The following KIF7 variants were observed in gnomAD, a reference collection of about 807,000 sequenced individuals.
The protein encoded by KIF7 is kinesin-like protein KIF7.
KIF7 carries 104 observed loss-of-function variants against 135.7 expected under a neutral mutation model. The ratio of observed to expected loss-of-function variants is 0.77; its 90% CI spans 0.65 to 0.90. KIF7 has a LOEUF of 0.90. Ranked by LOEUF, KIF7 falls within the 40% of genes least tolerant of loss-of-function variation. The pLI is 0.00. For synonymous variants in KIF7, 883 were observed against 809.4 expected (o/e 1.09, Z -1.54); for missense variants, 2,005 against 1,839.1 (o/e 1.09, Z -1.65).
In KIF7 at chr15:89,631,593, C is replaced by G; in HGVS notation, c.3013G>C (p.Gly1005Arg). Residue 1005 changes from glycine to arginine, a missense_variant, in exon 15 of 19, where the codon GGG becomes CGG. By Grantham distance (125) the Gly-to-Arg change is moderately radical. Coordinates refer to ENST00000394412, the MANE Select transcript of KIF7 (RefSeq NM_198525.3). ...GSAQSQQQIRGEIDSLRQEKD... is the reference protein window; with the variant it reads ...GSAQSQQQIRREIDSLRQEKD... ...TCCTGGCGCAGGCTGTCGATCTCCC[C>G]GCGGATCTGCTGCTGGCTCTGGGCG... 6.4e-7 allele frequency: 1 copy of G among 1,562,678 alleles called. No homozygotes were observed. The highest frequency in any genetic ancestry group is 8.7e-7 in the Non-Finnish European group (1 of 1,152,682).
intron 1 of KIF7, chr15:89,618,323 C>T: frequency 2.1e-6 from 2 of 937,368 alleles, no homozygotes; most frequent in Admixed American, 1.7e-5. Context: ...ATTGTGATGG[C>T]TCTGAGTCCA....
In KIF7 at chr15:89,648,787, G is replaced by A; in HGVS notation, c.924-13C>T. On this transcript the variant is annotated splice_polypyrimidine_tract_variant and intron_variant, in intron 4 of 18. Transcript: ENST00000394412. Reference sequence around the variant, plus strand: ...GTCTTTGAGGATCCTGAGGGCGCGAGGGGGAGGCTCTCAGGGGCCCCGACG... The same window carrying A: ...GTCTTTGAGGATCCTGAGGGCGCGAAGGGGAGGCTCTCAGGGGCCCCGACG... 6.5e-7 allele frequency: 1 copy of A among 1,528,518 alleles called. No individual in the cohort carries two copies. Among genetic ancestry groups the A allele is most frequent in the Non-Finnish European group, 8.8e-7 (1 of 1,140,766 alleles). 94.7% of individuals were successfully genotyped at this position (1,528,518 alleles called of 1,614,324 possible).
chr15:89,617,930 G>C (rs1963361910), intron 2 of KIF7: 1 of 534,210 alleles, frequency 1.9e-6, no homozygotes, highest in African/African-American at 1.9e-5. Flanking sequence ...GACCTCAAGT[G>C]ATCCGCCCGC....
chr15:89,624,026 A>T, downstream of KIF7: 2 of 1,613,898 alleles, frequency 1.2e-6, no homozygotes, highest in Non-Finnish European at 1.7e-6. Flanking sequence ...CCCAGGAGAG[A>T]GTGTCTCACT....
chr15:89,628,224 T>G lies in KIF7; in HGVS notation c.*195A>C. The G allele has an allele frequency of 1.7e-6, 1 of 590,842 alleles. No homozygotes were observed. The highest frequency in any genetic ancestry group is 2.9e-6 in the Non-Finnish European group (1 of 346,826). The allele number at this position is 590,842 out of a possible 1,614,324, so 36.6% of individuals were successfully genotyped here. On this transcript the variant is annotated 3_prime_UTR_variant, in exon 19 of 19. Transcript: ENST00000394412. ...CTTCATGGAAGTAAGTGGTGGGAATTTGCATATTATTTTGTTAAATGAGGG... is the reference window on the plus strand; with the variant it reads ...CTTCATGGAAGTAAGTGGTGGGAATGTGCATATTATTTTGTTAAATGAGGG...
Position 89,646,000 on chromosome 15 carries a change from T to G in KIF7, c.1815A>C (p.Gly605=). Residue 605 remains glycine, a synonymous_variant, in exon 8 of 19, where the codon GGA becomes GGC. Transcript: ENST00000394412. The stretch of plus-strand genomic sequence containing the variant: ...TGTTCACCTCAGTCAGCAACTCAGC[T>G]CCAGCCTCCCTGCCATTTGTCACCT... The part of the protein sequence containing the change: ...GEQVTNGREA[G]AELLTEVNRL... The G allele has an allele frequency of 6.2e-7, 1 of 1,613,948 alleles. No homozygotes were observed. Among genetic ancestry groups the G allele is most frequent in the Non-Finnish European group, 8.5e-7 (1 of 1,179,980 alleles).
In KIF7 at chr15:89,633,207, G is replaced by A. The variant is rs750064265; in HGVS notation, c.2652C>T (p.Ile884=). ...TGCGCCTCTTCCTCTGGAATGCCGC[G>A]ATCTCTTCCGTCTTAATCTTCAGGA... ...QKILKIKTEE[I]AAFQRKRRSG... Residue 884 remains isoleucine (I), a synonymous_variant, in exon 13 of 19, where the codon ATC becomes ATT. Coordinates refer to ENST00000394412, the MANE Select transcript of KIF7 (RefSeq NM_198525.3). 44 of 1,599,266 alleles carry A rather than the reference G, an allele frequency of 2.8e-5. No individual in the cohort carries two copies. The highest frequency in any genetic ancestry group is 1.7e-4 in the Middle Eastern group (1 of 5,832).
downstream of KIF7, chr15:89,625,663 C>T (rs150927834): frequency 2.2e-5 from 35 of 1,613,468 alleles, no homozygotes; most frequent in East Asian, 4.5e-5. Flanking sequence ...AGAAGCTGAC[C>T]GTGGAGCCAA....
rs76255423 is a variant in KIF7 at position 89,653,134 on chromosome 15, T to C, written c.-24-180A>G. 0.02 allele frequency among the ~76,000 whole-genome samples: 3,109 copies of C among 152,292 alleles called. 116 individuals carry two copies. The highest frequency in any genetic ancestry group is 0.071 in the African/African-American group (2,940 of 41,550). On this transcript the variant is annotated intron_variant, in intron 1 of 18. Coordinates refer to ENST00000394412, the MANE Select transcript of KIF7 (RefSeq NM_198525.3). ...TGCTCAAAAATTGCAAGGGCCATGA[T>C]ATATATAGTCCCCCACAGGAACATG...
intron 11 of KIF7, among the ~76,000 whole-genome samples, chr15:89,635,474 G>C (rs1431576933): frequency 6.6e-6 from 1 of 152,212 alleles, no homozygotes; most frequent in Non-Finnish European, 1.5e-5. Context: ...ATACAGAGGA[G>C]TGCTTAAAGG....
chr15:89,658,308 G>T (rs2141513464), upstream of KIF7, among the ~76,000 whole-genome samples: 1 of 151,590 alleles, frequency 6.6e-6, no homozygotes, highest in East Asian at 2.0e-4. Flanking sequence ...AAATTAGCTG[G>T]GCCTGGTGGT....
intron 1 of KIF7, among the ~76,000 whole-genome samples, chr15:89,619,326 A>G (rs910115345): frequency 2.0e-5 from 3 of 146,940 alleles, no homozygotes; most frequent in Non-Finnish European, 3.0e-5. Context: ...CCCAGGTTCA[A>G]GCGATTCTCC....
At chr15:89,630,089 G>A (rs80185307) in intron 16 of KIF7, 198 bp downstream of exon 16, 194 of 622,092 alleles carry the variant, frequency 3.1e-4, no homozygotes, top group African/African-American at 2.4e-3. Context: ...GAGCAGAAGT[G>A]GGGGGCGGGT....
In KIF7 at chr15:89,649,138, CAGGT is replaced by C. The variant is rs1567067836; in HGVS notation, c.755_758del (p.Asp252GlyfsTer69). The C allele has an allele frequency of 1.9e-6, 3 of 1,548,002 alleles. No homozygotes were observed. The highest frequency in any genetic ancestry group is 2.6e-6 in the Non-Finnish European group (3 of 1,146,776). ...TCTTGAGCACCCTCTCTGAGCCCGC[CAGGT>C]CCACGAAGTGGAACTTGGAGACGAG... On this transcript the variant is annotated frameshift_variant, in exon 4 of 19. Transcript: ENST00000394412. LOFTEE classifies it high-confidence loss of function.
At chr15:89,641,800 CAAAG>C (rs1045524998) in intron 11 of KIF7, among the ~76,000 whole-genome samples, 2 of 152,044 alleles carry the variant, frequency 1.3e-5, no homozygotes, top group African/African-American at 4.8e-5. Flanking sequence ...GACTCTGTCT[CAAAG>C]AAAGACTAAA....
chr15:89,648,943 C>A, intron 4 of KIF7, 31 bp downstream of exon 4: 1 of 1,508,442 alleles, frequency 6.6e-7, no homozygotes, highest in Admixed American at 2.1e-5. Context: ...CCCCGGCCCC[C>A]AGGCCACATA....
chr15:89,646,748 G>C, intron 7 of KIF7, 82 bp downstream of exon 7: 1 of 1,225,334 alleles, frequency 8.2e-7, no homozygotes, highest in African/African-American at 1.5e-5. Context: ...TGGGGGACAC[G>C]TGCCCCAGTG....
At chr15:89,627,172 CTT>C, downstream of KIF7, 1 of 1,541,438 alleles carries the variant, frequency 6.5e-7, no homozygotes, top group Non-Finnish European at 8.9e-7. Context: ...TCCCAAGCCT[CTT>C]TTGCCATGGT....
At chr15:89,653,655 G>C (rs527856880) in intron 1 of KIF7, among the ~76,000 whole-genome samples, 1 of 152,306 alleles carries the variant, frequency 6.6e-6, no homozygotes, top group South Asian at 2.1e-4. Flanking sequence ...ACTGCTTACT[G>C]TAGCCAAGGC....
Sources: allele counts gnomAD v4.1 joint callset (sites outside exome capture counted in the v4.1 genomes callset), GRCh38; gene constraint gnomAD v4.1.1; transcripts MANE v1.5; gene names NCBI Gene and HGNC (gene_info 2026-07-23, HGNC 2026-07-21).